The following POU6F2 variants were observed in gnomAD, a reference collection of about 807,000 sequenced individuals.
POU6F2 encodes POU class 6 homeobox 2.
In POU6F2, 31 loss-of-function variants were observed where a neutral mutation model predicts 71.3. The observed-to-expected ratio is 0.43, with a 90% CI of 0.33 to 0.59. The LOEUF (loss-of-function observed/expected upper bound fraction) is 0.59, where lower values mean the gene tolerates loss of function less well. Among genes scored for constraint, POU6F2 ranks in the 20% least tolerant of loss-of-function variants. POU6F2 has a pLI of 0.04. For missense variants in POU6F2, 783 were observed against 856.8 expected (o/e 0.91, Z 1.07); for synonymous variants, 347 against 355.7 (o/e 0.98, Z 0.27).
intron 1 of POU6F2, among the ~76,000 whole-genome samples, chr7:39,080,315 T>C (rs1791091245): frequency 6.6e-6 from 1 of 152,208 alleles, no homozygotes; most frequent in African/African-American, 2.4e-5. Context: ...ATGATATTCA[T>C]ACTTGAAGTT....
At chr7:38,979,078 A>C (rs895582124) in intron 1 of POU6F2, among the ~76,000 whole-genome samples, 12 of 152,214 alleles carry the variant, frequency 7.9e-5, no homozygotes, top group African/African-American at 2.4e-4. Flanking sequence ...AAAAGGAAAT[A>C]TACATGGTTT....
At chr7:39,354,481 T>C (rs1202876940) in intron 5 of POU6F2, among the ~76,000 whole-genome samples, 1 of 152,218 alleles carries the variant, frequency 6.6e-6, no homozygotes, top group Non-Finnish European at 1.5e-5. Context: ...AAACCTAGGC[T>C]GTGAGATCTG....
chr7:39,174,565 G>C (rs1314629696), intron 2 of POU6F2, among the ~76,000 whole-genome samples: 11 of 152,074 alleles, frequency 7.2e-5, no homozygotes, highest in Non-Finnish European at 1.3e-4. Flanking sequence ...TGTTCCAAGA[G>C]GTATCCTATC....
In POU6F2 at chr7:39,147,389, C is replaced by T. The variant is rs557640097; in HGVS notation, c.278-56846C>T. Among the ~76,000 whole-genome samples the T allele has an allele frequency of 1.3e-4, 20 of 152,164 alleles. No individual in the cohort carries two copies. In the East Asian group the frequency reaches 2.9e-3, roughly 22 times the overall value. Reference sequence around the variant, plus strand: ...TTTATGTGTATTTACTTGTAGGAGACGTGTGAGCTGTTTGGACATGAGTGT... The same window carrying T: ...TTTATGTGTATTTACTTGTAGGAGATGTGTGAGCTGTTTGGACATGAGTGT... On this transcript the variant is annotated intron_variant, in intron 2 of 9. Coordinates refer to ENST00000518318, the MANE Select transcript of POU6F2 (RefSeq NM_001370959.1).
At chr7:39,013,411 A>G (rs575362528) in intron 1 of POU6F2, 1 of 156,430 alleles carries the variant, frequency 6.4e-6, no homozygotes, top group Non-Finnish European at 1.4e-5. Context: ...GCACCCACTG[A>G]CCTGCGCCCA....
intron 5 of POU6F2, among the ~76,000 whole-genome samples, chr7:39,387,347 A>G (rs776813505): frequency 2.6e-5 from 4 of 152,188 alleles, no homozygotes. Flanking sequence ...TTTTTGTCTA[A>G]TACGTGTGCA....
chr7:39,121,543 C>G (rs1363771845), intron 2 of POU6F2, among the ~76,000 whole-genome samples: 2 of 152,174 alleles, frequency 1.3e-5, no homozygotes, highest in Admixed American at 6.5e-5. Context: ...ATTTCTCACT[C>G]ATTATCTTGT....
chr7:39,118,870 A>G (rs1203834052), intron 2 of POU6F2, among the ~76,000 whole-genome samples: 2 of 152,242 alleles, frequency 1.3e-5, no homozygotes, highest in African/African-American at 4.8e-5. Context: ...ATTTTCAGAA[A>G]CAACAAAAGG....
chr7:39,019,343 G>A (rs1789626991), intron 1 of POU6F2, among the ~76,000 whole-genome samples: 1 of 152,124 alleles, frequency 6.6e-6, no homozygotes, highest in Non-Finnish European at 1.5e-5. Flanking sequence ...GATAAACATT[G>A]TAATCTCTTT....
intron 1 of POU6F2, among the ~76,000 whole-genome samples, chr7:39,085,537 C>G (rs1190007894): frequency 1.3e-5 from 2 of 151,988 alleles, no homozygotes; most frequent in South Asian, 2.1e-4. Flanking sequence ...AAAGCATATC[C>G]CACAATTAAA....
chr7:39,441,438 A>G (rs1788402327), intron 7 of POU6F2, among the ~76,000 whole-genome samples: 1 of 152,144 alleles, frequency 6.6e-6, no homozygotes, highest in Non-Finnish European at 1.5e-5. Flanking sequence ...AGAAAGCAAG[A>G]GGAGCAAGGG....
chr7:39,018,357 C>G (rs1293058653), intron 1 of POU6F2, among the ~76,000 whole-genome samples: 1 of 152,156 alleles, frequency 6.6e-6, no homozygotes, highest in Non-Finnish European at 1.5e-5. Context: ...AGCCCACCCT[C>G]TAGTTACTGT....
chr7:39,201,474 A>T (rs915568877), intron 2 of POU6F2, among the ~76,000 whole-genome samples: 1 of 152,246 alleles, frequency 6.6e-6, no homozygotes, highest in South Asian at 2.1e-4. Context: ...CTGAATTAAA[A>T]GCCAGACCCC....
intron 1 of POU6F2, among the ~76,000 whole-genome samples, chr7:38,989,925 T>C (rs1788562849): frequency 6.6e-6 from 1 of 151,990 alleles, no homozygotes. Flanking sequence ...GTCTGAACTA[T>C]TTGAGATTCA....
At chr7:39,386,472 G>GTACA (rs1181709541) in intron 5 of POU6F2, among the ~76,000 whole-genome samples, 1 of 152,136 alleles carries the variant, frequency 6.6e-6, no homozygotes, top group Non-Finnish European at 1.5e-5. Context: ...GGTTAGAATT[G>GTACA]TACATTTGGG....
At chr7:39,214,452 C>G (rs955144286) in intron 4 of POU6F2, among the ~76,000 whole-genome samples, 16 of 152,198 alleles carry the variant, frequency 1.1e-4, no homozygotes, top group Admixed American at 9.8e-4. Flanking sequence ...TTTGGCCTTT[C>G]TGAGCATTTT....
rs550517333 is a variant in POU6F2, at chr7:39,130,296, C to T, written c.277+44265C>T. Among the ~76,000 whole-genome samples, 4 of 151,912 alleles carry T rather than the reference C, an allele frequency of 2.6e-5. No individual in the cohort carries two copies. The South Asian group carries it at 6.3e-4, about 24-fold the overall frequency. ...GAAATTCATATAATTACTCACCACC[C>T]GGAAGGCAGGAGAACACTGCAGTTA... On this transcript the variant is annotated intron_variant, in intron 2 of 9. Coordinates refer to ENST00000518318, the MANE Select transcript of POU6F2 (RefSeq NM_001370959.1).
At chr7:39,105,930 G>A (rs1180206721) in intron 2 of POU6F2, among the ~76,000 whole-genome samples, 2 of 152,148 alleles carry the variant, frequency 1.3e-5, no homozygotes, top group African/African-American at 2.4e-5. Context: ...TACAGCCAGG[G>A]ATGTTCCCAA....
intron 2 of POU6F2, among the ~76,000 whole-genome samples, chr7:39,200,164 C>G (rs972635762): frequency 1.3e-5 from 2 of 152,190 alleles, no homozygotes; most frequent in Non-Finnish European, 2.9e-5. Flanking sequence ...ATTCAGAAAA[C>G]GGATTGCATA....
Sources: gnomAD v4.1 joint callset for allele counts (sites outside exome capture counted in the v4.1 genomes callset) on GRCh38, gnomAD v4.1.1 for gene constraint, MANE v1.5 for transcripts, NCBI Gene and HGNC (gene_info 2026-07-23, HGNC 2026-07-21) for gene names.